Variants in DTYMK observed in about 807,000 individuals in gnomAD.
DTYMK encodes the protein deoxythymidylate kinase.
A neutral mutation model predicts 20.3 loss-of-function variants in DTYMK; 20 were observed. The observed-to-expected ratio is 0.99, with a 90% confidence interval of 0.69 to 1.43. The LOEUF (loss-of-function observed/expected upper bound fraction) is 1.43. Ranked by LOEUF, DTYMK falls within the 40% of genes most tolerant of loss-of-function variation. The pLI, the probability that DTYMK is intolerant of heterozygous loss-of-function variation, is 0.00. For synonymous variants in DTYMK, 148 were observed against 124.4 expected (o/e 1.19, Z -1.27); for missense variants, 320 against 291.1 (o/e 1.10, Z -0.72).
chr2:241,675,869 C>CA lies in DTYMK; in HGVS notation c.*257dup, dbSNP rs2069099812. ...ACTGAACTTCAGTAAGAAAATACAACAGAGTGCCATCAGGACAGGGGAGAG... is the reference window on the plus strand; with the variant it reads ...ACTGAACTTCAGTAAGAAAATACAACAAGAGTGCCATCAGGACAGGGGAGAG... On this transcript the variant is annotated 3_prime_UTR_variant, in exon 5 of 5. Transcript: ENST00000305784. The CA allele has an allele frequency of 2.8e-6, 1 of 351,656 alleles. No homozygotes were observed. The highest frequency in any genetic ancestry group is 5.1e-6 in the Non-Finnish European group (1 of 195,416). 21.8% of individuals were successfully genotyped at this position (351,656 alleles called of 1,614,324 possible).
rs563449193 is a variant in DTYMK, at chr2:241,686,637, C to T, written c.130+17G>A. The stretch of plus-strand genomic sequence containing the variant: ...GGCACCGAAGGCCGCGGCGCACCCC[C>T]CGCCGCGCGCACCCACCCGGGAACC... On this transcript the variant is annotated intron_variant, in intron 1 of 4. Transcript: ENST00000305784. The T allele has an allele frequency of 9.3e-5, 139 of 1,496,160 alleles. 1 individual carries two copies. The highest frequency in any genetic ancestry group is 7.0e-4 in the Middle Eastern group (3 of 4,288). The allele number at this position is 1,496,160 out of a possible 1,614,324, so 92.7% of individuals were successfully genotyped here.
At chr2:241,676,928 G>T (rs1207352007) in intron 4 of DTYMK, among the ~76,000 whole-genome samples, 1 of 152,282 alleles carries the variant, frequency 6.6e-6, no homozygotes. Flanking sequence ...AGCAGGACCA[G>T]TGCAACACTG....
At chr2:241,685,914 ATCAGGCTT>A (rs2069384305) in intron 1 of DTYMK, 37 bp from the exon 2 acceptor site, 11 of 1,597,646 alleles carry the variant, frequency 6.9e-6, no homozygotes, top group African/African-American at 1.3e-5. Flanking sequence ...TGCAAGTGAG[ATCAGGCTT>A]TCCCTCTATA....
At chr2:241,682,359 A>G (rs1173415910) in intron 2 of DTYMK, 1 of 374,710 alleles carries the variant, frequency 2.7e-6, no homozygotes, top group South Asian at 1.9e-5. Flanking sequence ...AGAGAAAGAG[A>G]GTGAGAAAAC....
chr2:241,684,845 C>G, intron 2 of DTYMK: 1 of 426,644 alleles, frequency 2.3e-6, no homozygotes, highest in Non-Finnish European at 4.8e-6. Flanking sequence ...ACAAATGTAA[C>G]ATAACACAGC....
At chr2:241,686,233 A>G (rs1352240728) in intron 1 of DTYMK, among the ~76,000 whole-genome samples, 1 of 152,268 alleles carries the variant, frequency 6.6e-6, no homozygotes, top group African/African-American at 2.4e-5. Flanking sequence ...AAGCGCGAAC[A>G]GCCATCAAAC....
intron 3 of DTYMK, 97 bp downstream of exon 3, chr2:241,680,132 C>G: frequency 1.7e-6 from 2 of 1,146,608 alleles, no homozygotes; most frequent in Non-Finnish European, 2.6e-6. Context: ...CGAAACTCTG[C>G]AGAGTAATCT....
intron 2 of DTYMK, 34 bp downstream of exon 2, chr2:241,685,735 A>T: frequency 6.3e-7 from 1 of 1,594,560 alleles, no homozygotes; most frequent in Non-Finnish European, 8.6e-7. Context: ...GGAAAGTGGC[A>T]AGGGCAGAGG....
intron 2 of DTYMK, chr2:241,682,426 G>A: frequency 3.1e-6 from 1 of 318,176 alleles, no homozygotes; most frequent in Non-Finnish European, 6.2e-6. Flanking sequence ...ATTTTATAAA[G>A]GACTGTTATC....
rs201747149 is a variant in DTYMK at position 241,678,446 on chromosome 2, T to C, written c.528+6A>G. On this transcript the variant is annotated splice_donor_region_variant and intron_variant, in intron 4 of 4. Transcript: ENST00000305784. ...GCTTCCTAGTGTGCAATTCTGGGAT[T>C]CTCACCTTCCAGTTCAAAGTCGTGT... The C allele has an allele frequency of 3.1e-5, 50 of 1,614,154 alleles. No homozygotes were observed. In the East Asian group the frequency reaches 1.1e-3, roughly 35 times the overall value.
intron 3 of DTYMK, among the ~76,000 whole-genome samples, chr2:241,679,199 T>C (rs2069185015): frequency 6.6e-6 from 1 of 152,116 alleles, no homozygotes; most frequent in South Asian, 2.1e-4. Context: ...CCTCTCTCCC[T>C]CCCTTACTCA....
In DTYMK at chr2:241,685,808, G is replaced by A. The variant is rs975331316; in HGVS notation, c.200C>T (p.Ser67Leu). The A allele has an allele frequency of 3.1e-6, 5 of 1,614,058 alleles. No homozygotes were observed. Among genetic ancestry groups the A allele is most frequent in the African/African-American group, 1.3e-5 (1 of 74,946 alleles). The change falls in exon 2 of 5, where the codon TCG becomes TTG. Residue 67 changes from serine (S) to leucine (L), a missense_variant. Transcript: ENST00000305784. ...ATTTGCAGAAAAAAGCAGGTGCACCGAGTGATCCTCCACGTCACTTTTCTT... is the reference window on the plus strand; with the variant it reads ...ATTTGCAGAAAAAAGCAGGTGCACCAAGTGATCCTCCACGTCACTTTTCTT... Reference protein sequence around the residue: ...LQKKSDVEDHSVHLLFSANRW... With the variant: ...LQKKSDVEDHLVHLLFSANRW...
At chr2:241,680,659 C>T (rs1260010055) in intron 2 of DTYMK, among the ~76,000 whole-genome samples, 1 of 151,998 alleles carries the variant, frequency 6.6e-6, no homozygotes, top group African/African-American at 2.4e-5. Context: ...GGTGACACAG[C>T]GAGACTCCAT....
intron 2 of DTYMK, chr2:241,682,142 C>T: frequency 2.4e-6 from 1 of 408,548 alleles, no homozygotes; most frequent in South Asian, 1.8e-5. Context: ...AGTTCAAGAC[C>T]AGCCTGGGCA....
intron 2 of DTYMK, chr2:241,682,093 C>G: frequency 2.8e-6 from 1 of 354,064 alleles, no homozygotes; most frequent in African/African-American, 2.2e-5. Context: ...AATCACAGCA[C>G]TTTGGGAAAC....
In DTYMK at chr2:241,685,821, C is replaced by A. The variant is rs942012561; in HGVS notation, c.187G>T (p.Val63Leu). ...AGCAGGTGCACCGAGTGATCCTCCA[C>A]GTCACTTTTCTTTTGCAAGTAGGAA... The part of the protein sequence containing the change: ...LSSYLQKKSD[V>L]EDHSVHLLFS... The change falls in exon 2 of 5, where the codon GTG (valine) becomes TTG (leucine). Residue 63 changes from valine (V) to leucine (L), a missense_variant. Physicochemically the swap from Val to Leu is conservative, Grantham distance 32 (BLOSUM62 1). Transcript: ENST00000305784. 2.5e-6 allele frequency: 4 copies of A among 1,614,192 alleles called. No homozygotes were observed. The highest frequency in any genetic ancestry group is 1.7e-5 in the Admixed American group (1 of 60,022).
At chr2:241,684,050 C>G (rs2069322823) in intron 2 of DTYMK, among the ~76,000 whole-genome samples, 1 of 151,920 alleles carries the variant, frequency 6.6e-6, no homozygotes, top group Admixed American at 6.6e-5. Context: ...CAACGAGACT[C>G]TTGTCTCAAA....
chr2:241,685,460 G>C (rs2069365744), intron 2 of DTYMK: 2 of 209,292 alleles, frequency 9.6e-6, no homozygotes, highest in Non-Finnish European at 1.9e-5. Context: ...TTGAACCTGG[G>C]AGGCGGAGGT....
intron 2 of DTYMK, 127 bp downstream of exon 2, chr2:241,685,642 G>T: frequency 9.7e-7 from 1 of 1,032,926 alleles, no homozygotes; most frequent in Non-Finnish European, 1.4e-6. Context: ...CCACAGGACT[G>T]CTAAACAGAA....
Sources: allele counts gnomAD v4.1 joint callset (sites outside exome capture counted in the v4.1 genomes callset), GRCh38; gene constraint gnomAD v4.1.1; transcripts MANE v1.5; gene names NCBI Gene and HGNC (gene_info 2026-07-23, HGNC 2026-07-21).